Variants in DLG2 observed in about 807,000 individuals in gnomAD.
The protein encoded by DLG2 is discs large MAGUK scaffold protein 2, also known as disks large homolog 2.
A neutral mutation model predicts 132.5 loss-of-function variants in DLG2; 45 were observed. That is an observed-to-expected ratio of 0.34 (90% CI 0.27 to 0.44). The LOEUF (loss-of-function observed/expected upper bound fraction) is 0.44. Ranked by LOEUF, DLG2 falls within the 20% of genes least tolerant of loss-of-function variation. The probability of loss-of-function intolerance (pLI) is 1.00; values close to 1 mark genes in which losing one functional copy is unlikely to be tolerated. For missense variants in DLG2, 1,045 were observed against 1,196.9 expected, an observed-to-expected ratio of 0.87 and a Z score of 1.87; for synonymous variants, 424 against 419.6, an observed-to-expected ratio of 1.01 and a Z score of -0.13.
At chr11:83,795,296 T>C (rs984332513) in intron 17 of DLG2, among the ~76,000 whole-genome samples, 2 of 151,910 alleles carry the variant, frequency 1.3e-5, no homozygotes, top group Non-Finnish European at 2.9e-5. Flanking sequence ...TAGTCCCAGC[T>C]ACTTGGGAGG....
chr11:84,335,867 G>A (rs1286256961), intron 7 of DLG2, among the ~76,000 whole-genome samples: 3 of 152,044 alleles, frequency 2.0e-5, no homozygotes, highest in Admixed American at 1.3e-4. Context: ...AAATTTTAGG[G>A]TAATATCGAT....
chr11:85,617,026 A>G (rs2081384849), intron 2 of DLG2, among the ~76,000 whole-genome samples: 1 of 152,192 alleles, frequency 6.6e-6, no homozygotes, highest in African/African-American at 2.4e-5. Context: ...AACCCCAGGG[A>G]AGTGGGGAAA....
At chr11:84,085,146 A>C in intron 10 of DLG2, among the ~76,000 whole-genome samples, 1 of 152,194 alleles carries the variant, frequency 6.6e-6, no homozygotes, top group East Asian at 1.9e-4. Flanking sequence ...ACATTATTAG[A>C]CCTTTCTAAA....
chr11:84,988,683 C>A (rs1330687868), intron 6 of DLG2, among the ~76,000 whole-genome samples: 1 of 152,036 alleles, frequency 6.6e-6, no homozygotes, highest in African/African-American at 2.4e-5. Context: ...GATGCAAAGG[C>A]ATAAGAATGA....
chr11:84,867,975 G>A (rs1372574058), intron 6 of DLG2, among the ~76,000 whole-genome samples: 2 of 151,922 alleles, frequency 1.3e-5, no homozygotes. Context: ...TCGGGAGGCC[G>A]AGGCAGGAGA....
intron 9 of DLG2, among the ~76,000 whole-genome samples, chr11:84,156,774 TA>T (rs2095437483): frequency 6.6e-6 from 1 of 152,226 alleles, no homozygotes; most frequent in Non-Finnish European, 1.5e-5. Flanking sequence ...GTTTAGGATA[TA>T]AGGTATGTAA....
chr11:84,399,321 C>G (rs2098821642), intron 7 of DLG2, among the ~76,000 whole-genome samples: 1 of 152,160 alleles, frequency 6.6e-6, no homozygotes. Context: ...TAGACACTTT[C>G]ATTCACAGTG....
intron 3 of DLG2, among the ~76,000 whole-genome samples, chr11:85,464,685 A>C (rs191018331): frequency 6.6e-6 from 1 of 152,128 alleles, no homozygotes; most frequent in East Asian, 1.9e-4. Context: ...TTCCCATTTT[A>C]GCAGAATTCA....
intron 18 of DLG2, among the ~76,000 whole-genome samples, chr11:83,638,567 C>T (rs763501554): frequency 3.3e-5 from 5 of 152,004 alleles, no homozygotes; most frequent in Non-Finnish European, 7.4e-5. Flanking sequence ...AAATTGTAAC[C>T]CCTTTCTGTA....
chr11:84,389,372 A>G (rs578144235), intron 7 of DLG2, among the ~76,000 whole-genome samples: 5 of 152,192 alleles, frequency 3.3e-5, no homozygotes, highest in African/African-American at 1.2e-4. Flanking sequence ...AAACTCCATA[A>G]AAACCTGTCC....
chr11:84,372,644 C>A (rs1477444145), intron 7 of DLG2, among the ~76,000 whole-genome samples: 1 of 152,158 alleles, frequency 6.6e-6, no homozygotes, highest in Non-Finnish European at 1.5e-5. Context: ...TAAGGCTATT[C>A]TGTTTAATAG....
chr11:84,940,162 A>C (rs2049218286), intron 6 of DLG2, among the ~76,000 whole-genome samples: 1 of 151,998 alleles, frequency 6.6e-6, no homozygotes, highest in Non-Finnish European at 1.5e-5. Context: ...TGTGATTTGC[A>C]TTTTTTTAAA....
intron 3 of DLG2, among the ~76,000 whole-genome samples, chr11:85,582,457 C>A (rs1375672938): frequency 6.6e-6 from 1 of 151,554 alleles, no homozygotes; most frequent in African/African-American, 2.4e-5. Context: ...AGGAACAGAT[C>A]CAAAAACTAC....
chr11:84,070,051 C>T (rs1178715426), intron 10 of DLG2, among the ~76,000 whole-genome samples: 1 of 152,228 alleles, frequency 6.6e-6, no homozygotes, highest in African/African-American at 2.4e-5. Context: ...CCATTTCATT[C>T]AAACACACAA....
rs183402418 is a variant in DLG2 at position 85,353,109 on chromosome 11, A to G, written c.41-67744T>C. Among the ~76,000 whole-genome samples the G allele has an allele frequency of 2.0e-5, 3 of 152,358 alleles. No individual in the cohort carries two copies. In the East Asian group the frequency reaches 5.8e-4, roughly 29 times the overall value. On this transcript the variant is annotated intron_variant, in intron 3 of 27. Transcript: ENST00000376104. ...CCCATCTGACAAAGGGCTAATATCC[A>G]GAATCTACAAGGAACTTAAACAAAT...
At chr11:83,886,488 CAAT>C (rs1288168177) in intron 15 of DLG2, among the ~76,000 whole-genome samples, 14 of 152,236 alleles carry the variant, frequency 9.2e-5, no homozygotes, top group Non-Finnish European at 1.9e-4. Flanking sequence ...GACTCCCACA[CAAT>C]AATAATGGGA....
Position 84,586,024 on chromosome 11 carries a change from G to A in DLG2, c.358-51293C>T, listed in dbSNP as rs12273842. Reference sequence around the variant, plus strand: ...AAACTAGCCGGGCATGATGGTGCATGCCTGTAATCCCAGCTACTTGGGTGG... The same window carrying A: ...AAACTAGCCGGGCATGATGGTGCATACCTGTAATCCCAGCTACTTGGGTGG... On this transcript the variant is annotated intron_variant, in intron 6 of 27. Coordinates refer to ENST00000376104, the MANE Select transcript of DLG2 (RefSeq NM_001142699.3). Among the ~76,000 whole-genome samples, 264 of 152,192 alleles carry A rather than the reference G, an allele frequency of 1.7e-3. 2 individuals carry two copies. Among genetic ancestry groups the A allele is most frequent in the African/African-American group, 6.1e-3 (255 of 41,522 alleles).
chr11:85,267,884 A>ATGTG (rs35082133), intron 4 of DLG2, among the ~76,000 whole-genome samples: 3,170 of 148,278 alleles, frequency 0.021, 40 homozygotes, highest in Non-Finnish European at 0.032. Context: ...TGACTTTTGT[A>ATGTG]TGTGTGTGTG....
At chr11:83,808,433 G>A (rs923133287) in intron 17 of DLG2, among the ~76,000 whole-genome samples, 1 of 152,136 alleles carries the variant, frequency 6.6e-6, no homozygotes, top group Non-Finnish European at 1.5e-5. Flanking sequence ...GTGAGACCAA[G>A]AGGCATTAAG....
Sources: allele counts gnomAD v4.1 joint callset (sites outside exome capture counted in the v4.1 genomes callset), GRCh38; gene constraint gnomAD v4.1.1; transcripts MANE v1.5; gene names NCBI Gene and HGNC (gene_info 2026-07-23, HGNC 2026-07-21).